Variants in KCNB2 observed in about 807,000 individuals in gnomAD.
KCNB2 encodes potassium voltage-gated channel subfamily B member 2, also known as delayed rectifier potassium channel protein.
A neutral mutation model predicts 61.5 loss-of-function variants in KCNB2; 15 were observed. The observed-to-expected ratio is 0.24, with a 90% CI of 0.16 to 0.38. The LOEUF (loss-of-function observed/expected upper bound fraction) is 0.38. Ranked by LOEUF, KCNB2 falls within the 10% of genes least tolerant of loss-of-function variation. KCNB2 has a pLI of 1.00. For missense variants in KCNB2, 828 were observed against 1,125.2 expected, an observed-to-expected ratio of 0.74 and a Z score of 3.78; for synonymous variants, 457 against 446.0, an observed-to-expected ratio of 1.02 and a Z score of -0.31.
At chr8:72,889,086 AAC>A (rs1217968529) in intron 2 of KCNB2, among the ~76,000 whole-genome samples, 1 of 152,160 alleles carries the variant, frequency 6.6e-6, no homozygotes, top group African/African-American at 2.4e-5. Flanking sequence ...GGACTTTCCC[AAC>A]ATGTGACAAG....
intron 2 of KCNB2, among the ~76,000 whole-genome samples, chr8:72,632,093 T>C (rs13266375): frequency 6.7e-6 from 1 of 148,536 alleles, no homozygotes; most frequent in South Asian, 2.2e-4. Context: ...TTTTTTTTTT[T>C]AAATTAGCTG....
intron 2 of KCNB2, among the ~76,000 whole-genome samples, chr8:72,755,605 C>A (rs1250039157): frequency 6.6e-6 from 1 of 152,204 alleles, no homozygotes; most frequent in Non-Finnish European, 1.5e-5. Flanking sequence ...AACTGCCCAA[C>A]ACCTTTGCTC....
At chr8:72,715,509 A>G (rs1444401311) in intron 2 of KCNB2, among the ~76,000 whole-genome samples, 2 of 152,150 alleles carry the variant, frequency 1.3e-5, no homozygotes, top group African/African-American at 4.8e-5. Context: ...TAAGAAACTC[A>G]CTCAAAACCG....
intron 2 of KCNB2, among the ~76,000 whole-genome samples, chr8:72,803,987 A>G (rs1483992696): frequency 6.6e-6 from 1 of 152,188 alleles, no homozygotes; most frequent in African/African-American, 2.4e-5. Context: ...CAGAAAAGAA[A>G]GTGGTTCAGC....
intron 2 of KCNB2, among the ~76,000 whole-genome samples, chr8:72,588,986 G>A (rs1807045990): frequency 6.6e-6 from 1 of 152,144 alleles, no homozygotes; most frequent in Non-Finnish European, 1.5e-5. Flanking sequence ...TGAACTCATA[G>A]TCTGATACCA....
intron 2 of KCNB2, among the ~76,000 whole-genome samples, chr8:72,699,065 A>T (rs538229538): frequency 6.6e-6 from 1 of 152,284 alleles, no homozygotes; most frequent in African/African-American, 2.4e-5. Context: ...GAGTAAACAG[A>T]TAACATACAG....
intron 2 of KCNB2, among the ~76,000 whole-genome samples, chr8:72,698,532 T>TA (rs1807057400): frequency 6.6e-6 from 1 of 151,942 alleles, no homozygotes; most frequent in Non-Finnish European, 1.5e-5. Context: ...CATATGGAAC[T>TA]GAAAAAAGAA....
chr8:72,780,636 G>A (rs1245395125), intron 2 of KCNB2, among the ~76,000 whole-genome samples: 4 of 152,036 alleles, frequency 2.6e-5, no homozygotes, highest in Admixed American at 6.6e-5. Context: ...TGGGCACTTC[G>A]ATTGATTCTA....
chr8:72,589,597 T>C (rs1807060975), intron 2 of KCNB2, among the ~76,000 whole-genome samples: 1 of 152,210 alleles, frequency 6.6e-6, no homozygotes, highest in African/African-American at 2.4e-5. Context: ...GCTGATAGAC[T>C]TCAAAAGCAT....
intron 2 of KCNB2, among the ~76,000 whole-genome samples, chr8:72,854,535 G>T (rs1810173664): frequency 1.3e-5 from 2 of 152,142 alleles, no homozygotes; most frequent in Admixed American, 1.3e-4. Context: ...GAATCTGTGG[G>T]TACAATGGTG....
intron 2 of KCNB2, among the ~76,000 whole-genome samples, chr8:72,719,614 C>T (rs1807513555): frequency 6.6e-6 from 1 of 151,934 alleles, no homozygotes. Context: ...TATAAATGTC[C>T]TCCTATTGGT....
chr8:72,563,628 A>G (rs1396915390), intron 1 of KCNB2, among the ~76,000 whole-genome samples: 3 of 152,098 alleles, frequency 2.0e-5, no homozygotes, highest in Admixed American at 2.0e-4. Flanking sequence ...TGTGGCGTTA[A>G]CAGACATGGG....
intron 2 of KCNB2, among the ~76,000 whole-genome samples, chr8:72,645,090 C>G (rs550652783): frequency 6.6e-6 from 1 of 152,246 alleles, no homozygotes; most frequent in East Asian, 1.9e-4. Flanking sequence ...TGAGCCACAG[C>G]TCCATGATGC....
chr8:72,801,833 A>G (rs1809135792), intron 2 of KCNB2, among the ~76,000 whole-genome samples: 1 of 148,830 alleles, frequency 6.7e-6, no homozygotes. Context: ...ACAGAAAAAG[A>G]AAAAAAAAAC....
At position 72,851,826 on chromosome 8, in the gene KCNB2, G is replaced by GAAAAAAAAAAAAAAAAAAAAAAA. The variant is rs55696554; in HGVS notation, c.580-84087_580-84086insAAAAAAAAAAAAAAAAAAAAAAA. ...TTTTTTTTTAATGTAGAAGCTGTAG[G>GAAAAAAAAAAAAAAAAAAAAAAA]AAAAAAAAAAAAAAAAAAAAAACAC... On this transcript the variant is annotated intron_variant, in intron 2 of 2. Transcript: ENST00000523207. 1.1e-4 allele frequency among the ~76,000 whole-genome samples: 5 copies of GAAAAAAAAAAAAAAAAAAAAAAA among 43,862 alleles called. 1 individual carries two copies. Among genetic ancestry groups the GAAAAAAAAAAAAAAAAAAAAAAA allele is most frequent in the Non-Finnish European group, 1.6e-4 (4 of 25,626 alleles). 28.8% of individuals were successfully genotyped at this position (43,862 alleles called of 152,430 possible).
chr8:72,722,142 C>T (rs1807560810), intron 2 of KCNB2, among the ~76,000 whole-genome samples: 1 of 152,322 alleles, frequency 6.6e-6, no homozygotes, highest in Admixed American at 6.5e-5. Context: ...TCTGACCACA[C>T]TTTCTCTACC....
At chr8:72,711,409 G>A (rs543051572) in intron 2 of KCNB2, among the ~76,000 whole-genome samples, 7 of 152,278 alleles carry the variant, frequency 4.6e-5, no homozygotes, top group Non-Finnish European at 8.8e-5. Flanking sequence ...TGTCTCTCCC[G>A]CTGTGGCCTG....
rs149945693 is a variant in KCNB2, at chr8:72,738,150, T to C, written c.579+169837T>C. ...TTTGGGTAGCCAATGCTCTGTTATATGTAAGAATTGTGTATTTTCTCCTGG... is the reference window on the plus strand; with the variant it reads ...TTTGGGTAGCCAATGCTCTGTTATACGTAAGAATTGTGTATTTTCTCCTGG... On this transcript the variant is annotated intron_variant, in intron 2 of 2. Coordinates refer to ENST00000523207, the MANE Select transcript of KCNB2 (RefSeq NM_004770.3). 2.2e-3 allele frequency among the ~76,000 whole-genome samples: 328 copies of C among 152,310 alleles called. 2 individuals carry two copies. Among genetic ancestry groups the C allele is most frequent in the African/African-American group, 7.3e-3 (305 of 41,578 alleles).
chr8:72,851,839 A>AC (rs1810119302), intron 2 of KCNB2, among the ~76,000 whole-genome samples: 10 of 146,082 alleles, frequency 6.8e-5, no homozygotes, highest in South Asian at 2.2e-4. Context: ...AAAAAAAAAA[A>AC]AAAAAAAAAC....
Sources: gnomAD v4.1 joint callset for allele counts (sites outside exome capture counted in the v4.1 genomes callset) on GRCh38, gnomAD v4.1.1 for gene constraint, MANE v1.5 for transcripts, NCBI Gene and HGNC (gene_info 2026-07-23, HGNC 2026-07-21) for gene names.